KAZN: variants seen among roughly 807,000 people sequenced by gnomAD.
The protein encoded by KAZN is kazrin.
A neutral mutation model predicts 87.4 loss-of-function variants in KAZN; 40 were observed. The observed-to-expected ratio is 0.46, with a 90% CI of 0.36 to 0.60. KAZN has a LOEUF of 0.60. Among genes scored for constraint, KAZN ranks in the 20% least tolerant of loss-of-function variants. KAZN has a pLI of 0.00. For missense variants in KAZN, 898 were observed against 1,073.9 expected, an observed-to-expected ratio of 0.84 and a Z score of 2.29; for synonymous variants, 466 against 458.3, an observed-to-expected ratio of 1.02 and a Z score of -0.22.
At chr1:14,693,115 T>C (rs561990926) in intron 1 of KAZN, among the ~76,000 whole-genome samples, 25 of 152,330 alleles carry the variant, frequency 1.6e-4, no homozygotes, top group Non-Finnish European at 3.1e-4. Flanking sequence ...GTTGATTTGT[T>C]AAGTAGGGCT....
At chr1:14,500,905 G>C (rs751606439) in intron 2 of KAZN, among the ~76,000 whole-genome samples, 2 of 151,944 alleles carry the variant, frequency 1.3e-5, no homozygotes, top group Non-Finnish European at 2.9e-5. Context: ...AGAATACATT[G>C]AAAATCTAAA....
chr1:14,817,261 G>T (rs1396901859), intron 1 of KAZN, among the ~76,000 whole-genome samples: 1 of 152,186 alleles, frequency 6.6e-6, no homozygotes, highest in East Asian at 1.9e-4. Flanking sequence ...CTCCAAGAAG[G>T]CAAGGGCTGC....
At chr1:14,322,455 T>C (rs1656113951) in intron 2 of KAZN, among the ~76,000 whole-genome samples, 1 of 152,170 alleles carries the variant, frequency 6.6e-6, no homozygotes, top group South Asian at 2.1e-4. Flanking sequence ...CCTTCTTTGC[T>C]CCTTTGACAG....
chr1:15,092,072 G>GTTTTTTTTTTTTTTTTTTT (rs1557791969), intron 8 of KAZN, among the ~76,000 whole-genome samples: 1 of 79,878 alleles, frequency 1.3e-5, no homozygotes, highest in Non-Finnish European at 2.4e-5. Flanking sequence ...TTTTTTTTTT[G>GTTTTTTTTTTTTTTTTTTT]ATTTTTTTTT....
chr1:14,943,601 A>G (rs547803512), intron 1 of KAZN, among the ~76,000 whole-genome samples: 22 of 152,244 alleles, frequency 1.4e-4, no homozygotes, highest in Non-Finnish European at 2.8e-4. Context: ...TAGACCCCCA[A>G]TTAATCCCTA....
chr1:14,777,092 C>G (rs1366030570), intron 1 of KAZN, among the ~76,000 whole-genome samples: 1 of 152,174 alleles, frequency 6.6e-6, no homozygotes, highest in Non-Finnish European at 1.5e-5. Context: ...GTGCTGCCTC[C>G]CGGGTTCACG....
At chr1:13,907,876 G>A (rs964037194) in intron 1 of KAZN, among the ~76,000 whole-genome samples, 1 of 152,154 alleles carries the variant, frequency 6.6e-6, no homozygotes, top group African/African-American at 2.4e-5. Context: ...TGTTGGGTGA[G>A]GTTATAAGAC....
chr1:14,465,911 A>AT (rs1464343655), intron 2 of KAZN, among the ~76,000 whole-genome samples: 1 of 151,968 alleles, frequency 6.6e-6, no homozygotes, highest in Admixed American at 6.6e-5. Context: ...ATAATACTGT[A>AT]TTTTTTCTGC....
intron 2 of KAZN, among the ~76,000 whole-genome samples, chr1:14,214,226 C>T (rs1470308718): frequency 2.2e-5 from 1 of 45,444 alleles, no homozygotes. Flanking sequence ...TCTTACCTCA[C>T]CTCACTCCGG....
chr1:14,151,573 A>G (rs779733304), intron 1 of KAZN, among the ~76,000 whole-genome samples: 182 of 152,336 alleles, frequency 1.2e-3, no homozygotes, highest in Non-Finnish European at 2.2e-3. Context: ...AACGGATAAA[A>G]CAAATCAGCA....
At chr1:14,424,307 A>T (rs1286265400) in intron 2 of KAZN, among the ~76,000 whole-genome samples, 1 of 152,210 alleles carries the variant, frequency 6.6e-6, no homozygotes, top group Admixed American at 6.5e-5. Context: ...AATCCTCTCC[A>T]TGGCTGAGCT....
At chr1:14,852,262 C>T (rs1231456830) in intron 1 of KAZN, among the ~76,000 whole-genome samples, 3 of 152,212 alleles carry the variant, frequency 2.0e-5, no homozygotes, top group African/African-American at 7.2e-5. Context: ...CCTGGGGCCT[C>T]AGAGTAGAAG....
intron 2 of KAZN, among the ~76,000 whole-genome samples, chr1:14,578,689 C>T (rs956228330): frequency 6.6e-6 from 1 of 152,104 alleles, no homozygotes; most frequent in Non-Finnish European, 1.5e-5. Context: ...CATTCATATA[C>T]AAGTGAAAGT....
intron 2 of KAZN, among the ~76,000 whole-genome samples, chr1:14,384,757 G>A (rs1661713035): frequency 2.6e-5 from 4 of 151,686 alleles, no homozygotes; most frequent in Admixed American, 6.6e-5. Flanking sequence ...TGTTCATCGC[G>A]GATATTGGTC....
chr1:13,954,616 G>A (rs201122585), intron 1 of KAZN, among the ~76,000 whole-genome samples: 4 of 106,438 alleles, frequency 3.8e-5, no homozygotes, highest in African/African-American at 7.5e-5. Context: ...AAGCAGTGCC[G>A]TGCCATGTAG....
chr1:14,018,756 C>T (rs1640685714), intron 1 of KAZN, among the ~76,000 whole-genome samples: 1 of 152,190 alleles, frequency 6.6e-6, no homozygotes, highest in Non-Finnish European at 1.5e-5. Context: ...GGTTTCAGAA[C>T]TCTAGGTTCT....
At chr1:14,209,324 G>A (rs72644410) in intron 2 of KAZN, among the ~76,000 whole-genome samples, 3,371 of 152,294 alleles carry the variant, frequency 0.022, 61 homozygotes, top group Non-Finnish European at 0.033. Context: ...ACTCCTTGGT[G>A]TGGCATGGGG....
At chr1:13,927,933 C>T (rs879488284) in intron 1 of KAZN, among the ~76,000 whole-genome samples, 11 of 152,158 alleles carry the variant, frequency 7.2e-5, no homozygotes, top group Admixed American at 7.2e-4. Flanking sequence ...GGCAGGGCCC[C>T]TGCAAAGATT....
intron 2 of KAZN, among the ~76,000 whole-genome samples, chr1:14,298,588 T>A (rs907695811): frequency 4.6e-5 from 7 of 152,236 alleles, no homozygotes; most frequent in Non-Finnish European, 1.0e-4. Context: ...TAGTTTTCAT[T>A]TAATTACTTC....
Sources: gnomAD v4.1 joint callset for allele counts (sites outside exome capture counted in the v4.1 genomes callset) on GRCh38, gnomAD v4.1.1 for gene constraint, MANE v1.5 for transcripts, NCBI Gene and HGNC (gene_info 2026-07-23, HGNC 2026-07-21) for gene names.